Variants in ARNT observed in about 807,000 individuals in gnomAD.
ARNT encodes class E basic helix-loop-helix protein 2.
A neutral mutation model predicts 105.0 loss-of-function variants in ARNT; 30 were observed. The ratio of observed to expected loss-of-function variants is 0.29; its 90% CI spans 0.21 to 0.39. The LOEUF is 0.39. ARNT is among the 10% of genes least tolerant of loss of function. The pLI is 1.00. For missense variants in ARNT, 748 were observed against 978.7 expected (o/e 0.76, Z 3.15); for synonymous variants, 304 against 344.0 (o/e 0.88, Z 1.29).
intron 19 of ARNT, 70 bp from the exon 20 acceptor site, chr1:150,814,309 A>G: frequency 6.8e-7 from 1 of 1,478,038 alleles, no homozygotes; most frequent in African/African-American, 1.4e-5. Context: ...CATGCCTATG[A>G]GAGTCAACAC....
chr1:150,874,144 T>C (rs1476532039), intron 1 of ARNT, among the ~76,000 whole-genome samples: 4 of 151,830 alleles, frequency 2.6e-5, no homozygotes, highest in Non-Finnish European at 5.9e-5. Flanking sequence ...TATGACAGTG[T>C]AGCAAAGAAT....
At chr1:150,861,365 T>C (rs1470745814) in intron 1 of ARNT, 3 of 368,182 alleles carry the variant, frequency 8.1e-6, no homozygotes, top group East Asian at 1.6e-4. Flanking sequence ...AATTACCACA[T>C]GATCCAGCAA....
At chr1:150,831,155 C>T (rs1188774137) in intron 10 of ARNT, among the ~76,000 whole-genome samples, 1 of 152,194 alleles carries the variant, frequency 6.6e-6, no homozygotes, top group African/African-American at 2.4e-5. Context: ...CAGGTTTCTC[C>T]ACATCCAAAG....
In ARNT at chr1:150,826,535, A is replaced by C. The variant is rs1658301607; in HGVS notation, c.1242+8T>G. 6.2e-7 allele frequency: 1 copy of C among 1,607,972 alleles called. No homozygotes were observed. The highest frequency in any genetic ancestry group is 1.7e-5 in the Admixed American group (1 of 59,806). On this transcript the variant is annotated splice_region_variant and intron_variant, in intron 13 of 21. Coordinates refer to ENST00000358595, the MANE Select transcript of ARNT (RefSeq NM_001668.4). Reference sequence around the variant, plus strand: ...ATTTATTCAGAACCAAACCAGGAAAAAAGTTACCTGTTGGAAGCTGTCTCT... The same window carrying C: ...ATTTATTCAGAACCAAACCAGGAAACAAGTTACCTGTTGGAAGCTGTCTCT...
At position 150,817,922 on chromosome 1, in the gene ARNT, G is replaced by A; in HGVS notation, c.1503C>T (p.Pro501=). The part of the protein sequence containing the change: ...PLEMGSGQLA[P]RQQQQQTELD... Reference sequence around the variant, plus strand: ...ATGATTATTTCACCCTTTTTTACCTGGGTGCCAGCTGTCCTGAGCCCATCT... The same window carrying A: ...ATGATTATTTCACCCTTTTTTACCTAGGTGCCAGCTGTCCTGAGCCCATCT... The change falls in exon 15 of 22, where the codon CCC becomes CCT. Residue 501 remains proline, a splice_region_variant and synonymous_variant. Transcript: ENST00000358595. 1 of 1,608,500 alleles carries A rather than the reference G, an allele frequency of 6.2e-7. No homozygotes were observed. The highest frequency in any genetic ancestry group is 2.2e-5 in the East Asian group (1 of 44,830).
chr1:150,852,869 A>C (rs753149410), intron 2 of ARNT, 63 bp from the exon 3 acceptor site: 1 of 1,594,212 alleles, frequency 6.3e-7, no homozygotes, highest in Non-Finnish European at 8.6e-7. Context: ...AAGAAGTTAA[A>C]ATTTCTCAAC....
chr1:150,851,260 C>G (rs971383473), intron 3 of ARNT, among the ~76,000 whole-genome samples: 31 of 149,568 alleles, frequency 2.1e-4, no homozygotes, highest in African/African-American at 7.1e-4. Context: ...CTCCGCCCAG[C>G]CGCCGCCCCG....
At chr1:150,861,653 T>A (rs1191702608) in intron 1 of ARNT, among the ~76,000 whole-genome samples, 1 of 152,024 alleles carries the variant, frequency 6.6e-6, no homozygotes, top group Admixed American at 6.6e-5. Flanking sequence ...CTAAAAAAAA[T>A]GAACAAAATT....
At position 150,810,309 on chromosome 1, in the gene ARNT, A is replaced by G. The variant is rs1654501032; in HGVS notation, c.*1712T>C. The stretch of plus-strand genomic sequence containing the variant: ...CCCAAAAGCCCTATAATAACTGTAC[A>G]ATATTATAGTCCTGATCACATTTAA... On this transcript the variant is annotated 3_prime_UTR_variant, in exon 22 of 22. Transcript: ENST00000358595. 8.6e-6 allele frequency: 2 copies of G among 231,818 alleles called. No individual in the cohort carries two copies. The highest frequency in any genetic ancestry group is 1.1e-4 in the Admixed American group (2 of 17,734). 14.4% of individuals were successfully genotyped at this position (231,818 alleles called of 1,614,324 possible).
At chr1:150,871,878 A>G (rs1451024529) in intron 1 of ARNT, among the ~76,000 whole-genome samples, 1 of 128,080 alleles carries the variant, frequency 7.8e-6, no homozygotes, top group African/African-American at 3.0e-5. Context: ...ATTGCACTCC[A>G]GCCTGGGCGA....
At chr1:150,831,668 G>T in intron 10 of ARNT, 150 bp downstream of exon 10, 1 of 582,768 alleles carries the variant, frequency 1.7e-6, no homozygotes. Flanking sequence ...ATAATGGAAG[G>T]GAAGGATTGT....
intron 1 of ARNT, among the ~76,000 whole-genome samples, chr1:150,865,129 T>C (rs1407700865): frequency 6.6e-6 from 1 of 152,056 alleles, no homozygotes; most frequent in Admixed American, 6.6e-5. Flanking sequence ...AAGGCCTAAA[T>C]GAGGATGGCA....
At chr1:150,827,973 T>C (rs587656586) in intron 12 of ARNT, among the ~76,000 whole-genome samples, 2 of 152,366 alleles carry the variant, frequency 1.3e-5, no homozygotes, top group South Asian at 4.1e-4. Context: ...TTCAGTCAAA[T>C]GTCAAGTCTT....
chr1:150,837,908 C>T (rs1238045271), intron 6 of ARNT, among the ~76,000 whole-genome samples: 1 of 151,974 alleles, frequency 6.6e-6, no homozygotes, highest in Non-Finnish European at 1.5e-5. Flanking sequence ...CAGCATCCTC[C>T]TAAGCTAGAA....
chr1:150,837,192 G>C (rs1241804006), intron 6 of ARNT, among the ~76,000 whole-genome samples: 1 of 151,974 alleles, frequency 6.6e-6, no homozygotes, highest in Non-Finnish European at 1.5e-5. Flanking sequence ...CTATAAAAAT[G>C]ATCAAGTTTT....
chr1:150,871,709 A>C (rs1027412704), intron 1 of ARNT, among the ~76,000 whole-genome samples: 1 of 143,960 alleles, frequency 6.9e-6, no homozygotes, highest in African/African-American at 2.5e-5. Flanking sequence ...GAGGAGTTCA[A>C]GACCAGCCTG....
At chr1:150,821,068 A>C (rs912783442) in intron 14 of ARNT, among the ~76,000 whole-genome samples, 5 of 152,234 alleles carry the variant, frequency 3.3e-5, no homozygotes, top group African/African-American at 7.2e-5. Context: ...AGCTAAAGAG[A>C]AAATGTTATT....
At chr1:150,854,309 G>A (rs889201667) in intron 2 of ARNT, among the ~76,000 whole-genome samples, 2 of 152,084 alleles carry the variant, frequency 1.3e-5, no homozygotes, top group East Asian at 1.9e-4. Flanking sequence ...TGTAGTCCAC[G>A]CACTTTGGGA....
chr1:150,851,426 A>G (rs1310649152), intron 3 of ARNT, among the ~76,000 whole-genome samples: 2 of 152,352 alleles, frequency 1.3e-5, no homozygotes, highest in Middle Eastern at 3.4e-3. Flanking sequence ...AAAGGGGGAA[A>G]TGTGGGGAAA....
Sources: allele counts gnomAD v4.1 joint callset (sites outside exome capture counted in the v4.1 genomes callset), GRCh38; gene constraint gnomAD v4.1.1; transcripts MANE v1.5; gene names NCBI Gene and HGNC (gene_info 2026-07-23, HGNC 2026-07-21).